RANBP10: variants seen among roughly 807,000 people sequenced by gnomAD.
The protein encoded by RANBP10 is RAN binding protein 10.
RANBP10 carries 24 observed loss-of-function variants against 72.8 expected under a neutral mutation model. That is an observed-to-expected ratio of 0.33 (90% CI 0.24 to 0.46). The LOEUF (loss-of-function observed/expected upper bound fraction) is 0.46. Ranked by LOEUF, RANBP10 falls within the 20% of genes least tolerant of loss-of-function variation. The pLI is 1.00. For missense variants in RANBP10, 679 were observed against 817.5 expected (o/e 0.83, Z 2.07); for synonymous variants, 310 against 322.3 (o/e 0.96, Z 0.41).
At chr16:67,805,103 T>A (rs1047796168) in intron 2 of RANBP10, among the ~76,000 whole-genome samples, 6 of 152,120 alleles carry the variant, frequency 3.9e-5, no homozygotes, top group Admixed American at 1.3e-4. Context: ...AGGAAGGAAG[T>A]CACAAAAACA....
chr16:67,794,523 CTTTT>C (rs536994946), intron 2 of RANBP10, among the ~76,000 whole-genome samples: 3 of 130,948 alleles, frequency 2.3e-5, no homozygotes, highest in East Asian at 4.4e-4. Flanking sequence ...CCAACATATT[CTTTT>C]TTTTTTTTTT....
chr16:67,800,894 T>A lies in RANBP10; in HGVS notation c.347+4534A>T, dbSNP rs2055224234. Among the ~76,000 whole-genome samples the A allele has an allele frequency of 2.0e-5, 3 of 152,122 alleles. No homozygotes were observed. In the South Asian group the frequency reaches 6.2e-4, roughly 32 times the overall value. On this transcript the variant is annotated intron_variant, in intron 2 of 13. Coordinates refer to ENST00000317506, the MANE Select transcript of RANBP10 (RefSeq NM_020850.3). ...CTCCCAACTGTTCCCAGGCTCTGCC[T>A]CCTCTTGCAGAAAGACTTTCAGTCC...
At chr16:67,776,718 G>C (rs2054712442) in intron 2 of RANBP10, among the ~76,000 whole-genome samples, 1 of 149,460 alleles carries the variant, frequency 6.7e-6, no homozygotes, top group South Asian at 2.1e-4. Flanking sequence ...GTGGCAATAA[G>C]CTGAGATCGA....
At chr16:67,746,648 C>G (rs1162035049) in intron 3 of RANBP10, among the ~76,000 whole-genome samples, 1 of 152,174 alleles carries the variant, frequency 6.6e-6, no homozygotes, top group African/African-American at 2.4e-5. Flanking sequence ...GAGACCCTTT[C>G]TCCTCCAAAA....
intron 3 of RANBP10, among the ~76,000 whole-genome samples, chr16:67,752,420 G>C (rs1033624724): frequency 6.6e-6 from 1 of 152,174 alleles, no homozygotes; most frequent in Non-Finnish European, 1.5e-5. Context: ...AGGGCCTCCA[G>C]AAAGAACGCA....
intron 2 of RANBP10, among the ~76,000 whole-genome samples, chr16:67,776,475 A>G (rs2054707709): frequency 6.7e-6 from 1 of 149,080 alleles, no homozygotes; most frequent in Non-Finnish European, 1.5e-5. Context: ...AAAAAAAAAA[A>G]AAAAAAAAAA....
chr16:67,736,065 G>A (rs1048501172), intron 5 of RANBP10, among the ~76,000 whole-genome samples: 10 of 151,986 alleles, frequency 6.6e-5, no homozygotes, highest in African/African-American at 1.2e-4. Context: ...CCAGAGCCTC[G>A]CTAGCCTCCT....
At chr16:67,776,741 C>T (rs2054712930) in intron 2 of RANBP10, among the ~76,000 whole-genome samples, 1 of 147,582 alleles carries the variant, frequency 6.8e-6, no homozygotes. Flanking sequence ...CACTGCACTC[C>T]AGCCTGGGTG....
intron 4 of RANBP10, among the ~76,000 whole-genome samples, chr16:67,740,215 G>A (rs776275048): frequency 3.8e-4 from 57 of 150,356 alleles, no homozygotes; most frequent in Non-Finnish European, 6.8e-4. Context: ...CCATTCTCCC[G>A]CCTCAGCCTC....
At chr16:67,740,763 C>T (rs1243079854) in intron 4 of RANBP10, among the ~76,000 whole-genome samples, 3 of 152,130 alleles carry the variant, frequency 2.0e-5, no homozygotes, top group East Asian at 1.9e-4. Context: ...ATTCTTTGTT[C>T]GGCTATTTTG....
At chr16:67,753,958 C>T (rs929613946) in intron 3 of RANBP10, among the ~76,000 whole-genome samples, 1 of 152,048 alleles carries the variant, frequency 6.6e-6, no homozygotes, top group Non-Finnish European at 1.5e-5. Context: ...CATGGTGAAA[C>T]CCCGTCTCTA....
chr16:67,770,179 C>T (rs1476128382), intron 3 of RANBP10, among the ~76,000 whole-genome samples: 1 of 152,126 alleles, frequency 6.6e-6, no homozygotes, highest in East Asian at 1.9e-4. Context: ...TCAGTTTGCA[C>T]TTGACAGGAA....
At chr16:67,742,599 CAA>C (rs1179355304) in intron 4 of RANBP10, among the ~76,000 whole-genome samples, 1 of 152,136 alleles carries the variant, frequency 6.6e-6, no homozygotes, top group Non-Finnish European at 1.5e-5. Context: ...ACTTGACTGA[CAA>C]AGAGTTCATG....
chr16:67,791,165 G>A lies in RANBP10; in HGVS notation c.347+14263C>T, dbSNP rs181106502. ...AGTAGCTGGGACTGTAGGCGTGTGC[G>A]ACCACGCCTGGCTAATTTTTTGTAT... On this transcript the variant is annotated intron_variant, in intron 2 of 13. Transcript: ENST00000317506. Among the ~76,000 whole-genome samples, 101 of 151,354 alleles carry A rather than the reference G, an allele frequency of 6.7e-4. No homozygotes were observed. The Middle Eastern group carries it at 0.014, about 21-fold the overall frequency.
In RANBP10 at chr16:67,726,278, A is replaced by C; in HGVS notation, c.*150T>G. 1 of 1,173,164 alleles carries C rather than the reference A, an allele frequency of 8.5e-7. No individual in the cohort carries two copies. Among genetic ancestry groups the C allele is most frequent in the Non-Finnish European group, 1.2e-6 (1 of 837,948 alleles). 72.7% of individuals were successfully genotyped at this position (1,173,164 alleles called of 1,614,324 possible). A position where few individuals can be genotyped will look rare whatever the true frequency, so the allele number is the denominator to read the frequency against. ...GGGTGGTGGGCAGAGAAAGGAAGGA[A>C]GGAAGGAAAGGGAGAGGGGGAAAGG... is the stretch of plus-strand genomic sequence containing the variant. On this transcript the variant is annotated 3_prime_UTR_variant, in exon 14 of 14. Coordinates refer to ENST00000317506, the MANE Select transcript of RANBP10 (RefSeq NM_020850.3).
intron 2 of RANBP10, among the ~76,000 whole-genome samples, chr16:67,784,588 G>A (rs1217329051): frequency 2.0e-5 from 3 of 152,074 alleles, no homozygotes; most frequent in African/African-American, 7.2e-5. Flanking sequence ...CCTGGGAGGT[G>A]AAGGTTGCGG....
rs2053704719 is a variant in RANBP10 at position 67,730,433 on chromosome 16, C to T, written c.890-387G>A. ...GCGGCCTGAGTGGCTCCTCTTCAGA[C>T]AGACTCCTCTCCTTCCAGGCCTCAC... On this transcript the variant is annotated intron_variant, in intron 7 of 13. Transcript: ENST00000317506. The surrounding 1 kb of genome is among the most constrained non-coding windows in gnomAD (Gnocchi z 4.3). 6.6e-6 allele frequency among the ~76,000 whole-genome samples: 1 copy of T among 152,172 alleles called. No homozygotes were observed. The highest frequency in any genetic ancestry group is 2.1e-4 in the South Asian group (1 of 4,828).
intron 3 of RANBP10, among the ~76,000 whole-genome samples, chr16:67,752,699 C>T (rs1334174556): frequency 6.6e-6 from 1 of 151,826 alleles, no homozygotes; most frequent in Admixed American, 6.6e-5. Context: ...AGGTTGAAAA[C>T]AGAATGTTGC....
intron 4 of RANBP10, 78 bp downstream of exon 4, chr16:67,744,210 T>A: frequency 6.4e-7 from 1 of 1,553,396 alleles, no homozygotes; most frequent in Non-Finnish European, 8.7e-7. Flanking sequence ...GACACTGCCT[T>A]GAGCACTTGC....
Sources: allele counts gnomAD v4.1 joint callset (sites outside exome capture counted in the v4.1 genomes callset), GRCh38; gene constraint gnomAD v4.1.1; non-coding constraint Gnocchi (gnomAD v3.1); transcripts MANE v1.5; gene names NCBI Gene and HGNC (gene_info 2026-07-23, HGNC 2026-07-21).